Variants in TENM4 observed in about 807,000 individuals in gnomAD.
TENM4 encodes teneurin-4.
In TENM4, 82 loss-of-function variants were observed where a neutral mutation model predicts 243.3. That is an observed-to-expected ratio of 0.34 (90% CI 0.28 to 0.40). The LOEUF is 0.40. Ranked by LOEUF, TENM4 falls within the 10% of genes least tolerant of loss-of-function variation. The probability of loss-of-function intolerance (pLI) is 1.00; values close to 1 mark genes in which losing one functional copy is unlikely to be tolerated. For missense variants in TENM4, 3,138 were observed against 3,673.3 expected (o/e 0.85, Z 3.77); for synonymous variants, 1,412 against 1,456.3 (o/e 0.97, Z 0.69).
intron 29 of TENM4, among the ~76,000 whole-genome samples, chr11:78,684,515 C>G (rs918432748): frequency 6.6e-6 from 1 of 151,942 alleles, no homozygotes; most frequent in South Asian, 2.1e-4. Flanking sequence ...CATCCCATTT[C>G]TCTCTCTCTC....
chr11:79,052,450 G>A (rs1308099473), intron 6 of TENM4, among the ~76,000 whole-genome samples: 1 of 152,104 alleles, frequency 6.6e-6, no homozygotes, highest in African/African-American at 2.4e-5. Context: ...CATGTCCTTT[G>A]CCCACTTTTA....
chr11:79,167,338 T>A (rs770068052), intron 3 of TENM4, among the ~76,000 whole-genome samples: 1 of 152,066 alleles, frequency 6.6e-6, no homozygotes, highest in Non-Finnish European at 1.5e-5. Flanking sequence ...TGTTGAAGGG[T>A]CTGAGGTAGG....
At chr11:79,219,831 G>A (rs1422046692) in intron 2 of TENM4, among the ~76,000 whole-genome samples, 1 of 152,190 alleles carries the variant, frequency 6.6e-6, no homozygotes, top group African/African-American at 2.4e-5. Context: ...TAAATGCAGA[G>A]TGCCTCTGCT....
chr11:79,432,095 A>G (rs1472493477), intron 1 of TENM4, among the ~76,000 whole-genome samples: 1 of 152,236 alleles, frequency 6.6e-6, no homozygotes, highest in Admixed American at 6.5e-5. Flanking sequence ...TTAGTTTAAA[A>G]TGTGACTAGT....
Position 79,412,715 on chromosome 11 carries a change from C to T in TENM4, c.-321+27794G>A, listed in dbSNP as rs1467903815. Among the ~76,000 whole-genome samples the T allele has an allele frequency of 2.6e-5, 4 of 152,234 alleles. No individual in the cohort carries two copies. In the East Asian group the frequency reaches 7.7e-4, roughly 29 times the overall value. ...AAATACTCATCCCATCTCCCAGTAA[C>T]TTCCAACTACTAACCTCTTGGAAAA... is the stretch of plus-strand genomic sequence containing the variant. On this transcript the variant is annotated intron_variant, in intron 1 of 33. Transcript: ENST00000278550.
rs188753772 is a variant in TENM4, at chr11:79,287,201, T to C, written c.-265+10287A>G. Among the ~76,000 whole-genome samples, 48 of 152,308 alleles carry C rather than the reference T, an allele frequency of 3.2e-4. 1 individual carries two copies. In the East Asian group the frequency reaches 9.1e-3, roughly 29 times the overall value. On this transcript the variant is annotated intron_variant, in intron 2 of 33. Coordinates refer to ENST00000278550, the MANE Select transcript of TENM4 (RefSeq NM_001098816.3). ...GGAGGGATCATGAGAGTGTTCTCGT[T>C]TTATAAAACCAGCACATGGGGCAGG...
intron 5 of TENM4, among the ~76,000 whole-genome samples, chr11:79,065,965 T>C (rs969474693): frequency 2.6e-5 from 4 of 152,194 alleles, no homozygotes; most frequent in African/African-American, 4.8e-5. Flanking sequence ...AGAGGGAGTA[T>C]ACAAAGTCAG....
intron 1 of TENM4, among the ~76,000 whole-genome samples, chr11:79,366,627 A>G (rs894955334): frequency 3.3e-5 from 5 of 152,212 alleles, no homozygotes; most frequent in African/African-American, 1.2e-4. Context: ...TTTGGGCACT[A>G]ACATTAGGTG....
At position 78,814,340 on chromosome 11, in the gene TENM4, C is replaced by T. The variant is rs767614877; in HGVS notation, c.1737G>A (p.Gly579=). The change falls in exon 13 of 34, where the codon GGG becomes GGA. Residue 579 remains glycine (G), a synonymous_variant. Transcript: ENST00000278550. ...NCYGNGDCIS[G]TCHCFLGFLG... ...GGAAACCCAGGAAGCAGTGGCAGGT[C>T]CCAGAGATGCAGTCACCATTGCCAT... 7.7e-6 allele frequency: 12 copies of T among 1,550,514 alleles called. No homozygotes were observed. The highest frequency in any genetic ancestry group is 7.0e-6 in the Non-Finnish European group (8 of 1,146,510).
chr11:78,729,705 T>C (rs950291487), intron 21 of TENM4, 62 bp from the exon 22 acceptor site: 5 of 1,535,084 alleles, frequency 3.3e-6, no homozygotes, highest in South Asian at 1.3e-5. Flanking sequence ...GGAGGGAAGA[T>C]GGCGTGGCCC....
intron 2 of TENM4, among the ~76,000 whole-genome samples, chr11:79,261,931 T>C (rs768373040): frequency 6.6e-6 from 1 of 152,180 alleles, no homozygotes; most frequent in Non-Finnish European, 1.5e-5. Flanking sequence ...GCATGGTCCA[T>C]GGGGATGCCA....
intron 9 of TENM4, among the ~76,000 whole-genome samples, chr11:78,881,291 T>C (rs1855426768): frequency 6.6e-6 from 1 of 152,222 alleles, no homozygotes; most frequent in African/African-American, 2.4e-5. Context: ...CACCCTGCTC[T>C]GTGCCCTGGG....
chr11:79,417,541 A>G (rs1858844626), intron 1 of TENM4, among the ~76,000 whole-genome samples: 2 of 151,966 alleles, frequency 1.3e-5, no homozygotes. Flanking sequence ...TCAACTTCGC[A>G]TTCTGCTTCT....
intron 1 of TENM4, among the ~76,000 whole-genome samples, chr11:79,365,478 G>A (rs1224723380): frequency 6.6e-6 from 1 of 152,140 alleles, no homozygotes; most frequent in African/African-American, 2.4e-5. Flanking sequence ...TCCTACCAGA[G>A]ACAGAAGGCA....
At chr11:79,295,521 C>T (rs1856434953) in intron 2 of TENM4, among the ~76,000 whole-genome samples, 1 of 152,218 alleles carries the variant, frequency 6.6e-6, no homozygotes, top group African/African-American at 2.4e-5. Context: ...CCTGCCGCAA[C>T]AACTCAAGAC....
chr11:79,143,866 A>G (rs1205851675), intron 4 of TENM4, among the ~76,000 whole-genome samples: 1 of 151,802 alleles, frequency 6.6e-6, no homozygotes, highest in Non-Finnish European at 1.5e-5. Flanking sequence ...CATTAGAGAA[A>G]CTCTCCAGGA....
At chr11:78,829,835 A>G (rs1857936854) in intron 12 of TENM4, among the ~76,000 whole-genome samples, 1 of 152,128 alleles carries the variant, frequency 6.6e-6, no homozygotes, top group African/African-American at 2.4e-5. Flanking sequence ...AGCTGGCCTT[A>G]GCTCACTTCT....
chr11:79,380,817 G>A (rs1186661895), intron 1 of TENM4, among the ~76,000 whole-genome samples: 2 of 152,218 alleles, frequency 1.3e-5, no homozygotes, highest in Admixed American at 6.5e-5. Flanking sequence ...GAATGTTGGA[G>A]GTTCCTGGAT....
At chr11:78,809,479 T>C (rs1212366885) in intron 14 of TENM4, among the ~76,000 whole-genome samples, 5 of 152,202 alleles carry the variant, frequency 3.3e-5, no homozygotes, top group Non-Finnish European at 7.3e-5. Context: ...AATGATGCTC[T>C]GCCAAAGAGG....
Sources: allele counts gnomAD v4.1 joint callset (sites outside exome capture counted in the v4.1 genomes callset), GRCh38; gene constraint gnomAD v4.1.1; transcripts MANE v1.5; gene names NCBI Gene and HGNC (gene_info 2026-07-23, HGNC 2026-07-21).